Variants in ITPR2 observed in about 807,000 individuals in gnomAD.
ITPR2 encodes the protein inositol 1,4,5-trisphosphate-gated calcium channel ITPR2.
ITPR2 carries 207 observed loss-of-function variants against 317.1 expected under a neutral mutation model. The observed-to-expected ratio is 0.65, with a 90% CI of 0.58 to 0.73. The LOEUF is 0.73. Ranked by LOEUF, ITPR2 falls within the 30% of genes least tolerant of loss-of-function variation. The pLI is 0.00. For missense variants in ITPR2, 2,613 were observed against 3,284.0 expected (o/e 0.80, Z 4.99); for synonymous variants, 1,156 against 1,149.1 (o/e 1.01, Z -0.12).
In ITPR2 at chr12:26,707,819, C is replaced by T. The variant is rs539978655; in HGVS notation, c.951+3354G>A. Among the ~76,000 whole-genome samples the T allele has an allele frequency of 7.9e-5, 12 of 152,140 alleles. No homozygotes were observed. The East Asian group carries it at 1.7e-3, about 22-fold the overall frequency. On this transcript the variant is annotated intron_variant, in intron 9 of 56. Transcript: ENST00000381340. The stretch of plus-strand genomic sequence containing the variant: ...TGCTGGGAATACAGATGTGAGCCAC[C>T]GCGCCTGGCCAACCTGGGCATTTTT...
At chr12:26,677,402 T>C (rs1044900988) in intron 13 of ITPR2, among the ~76,000 whole-genome samples, 7 of 152,018 alleles carry the variant, frequency 4.6e-5, no homozygotes, top group Non-Finnish European at 1.0e-4. Flanking sequence ...GAGTTTCAGA[T>C]TAGCCTGGGC....
intron 30 of ITPR2, 69 bp downstream of exon 30, chr12:26,599,076 T>C (rs1945926673): frequency 7.3e-7 from 1 of 1,373,856 alleles, no homozygotes; most frequent in Non-Finnish European, 1.0e-6. Context: ...GCTTTTTCAC[T>C]GTAATAGAAA....
intron 13 of ITPR2, among the ~76,000 whole-genome samples, chr12:26,671,304 G>C (rs1459840874): frequency 2.0e-5 from 3 of 152,276 alleles, no homozygotes; most frequent in Admixed American, 2.0e-4. Context: ...AGAGAGAAAG[G>C]TTGGGTTACC....
chr12:26,472,090 T>C (rs1288588212), intron 45 of ITPR2, among the ~76,000 whole-genome samples: 1 of 152,206 alleles, frequency 6.6e-6, no homozygotes, highest in Non-Finnish European at 1.5e-5. Context: ...TGAAAGCTCA[T>C]AATTTTTCAT....
intron 49 of ITPR2, among the ~76,000 whole-genome samples, chr12:26,420,928 T>C (rs1420833620): frequency 6.6e-6 from 1 of 152,158 alleles, no homozygotes; most frequent in Non-Finnish European, 1.5e-5. Context: ...CTATTTACCT[T>C]GATTCATCCA....
intron 45 of ITPR2, among the ~76,000 whole-genome samples, chr12:26,469,430 C>T (rs1346952128): frequency 6.6e-6 from 1 of 152,022 alleles, no homozygotes; most frequent in Non-Finnish European, 1.5e-5. Flanking sequence ...CCCCTGCAAA[C>T]CCCCCACCCC....
At chr12:26,408,920 G>C (rs924940160) in intron 52 of ITPR2, among the ~76,000 whole-genome samples, 2 of 151,978 alleles carry the variant, frequency 1.3e-5, no homozygotes, top group Non-Finnish European at 2.9e-5. Flanking sequence ...TGTTAAGGGG[G>C]GAAATGTTGA....
At chr12:26,829,774 CA>C (rs1267691381) in intron 1 of ITPR2, among the ~76,000 whole-genome samples, 3 of 152,194 alleles carry the variant, frequency 2.0e-5, no homozygotes, top group African/African-American at 7.2e-5. Flanking sequence ...AGGAGGGAGG[CA>C]TGGTCATATC....
chr12:26,562,765 G>C (rs1360982079), intron 34 of ITPR2, among the ~76,000 whole-genome samples: 1 of 151,148 alleles, frequency 6.6e-6, no homozygotes, highest in Non-Finnish European at 1.5e-5. Flanking sequence ...AGGGCCTGTT[G>C]AGGGGTGGGG....
intron 1 of ITPR2, among the ~76,000 whole-genome samples, chr12:26,810,403 A>G (rs10842797): frequency 0.17 from 25,449 of 152,150 alleles, 2,763 homozygotes; most frequent in Non-Finnish European, 0.25. Flanking sequence ...TAAAGTGGGG[A>G]CTCACTATTA....
At chr12:26,648,031 T>C (rs575914404) in intron 21 of ITPR2, among the ~76,000 whole-genome samples, 1 of 152,190 alleles carries the variant, frequency 6.6e-6, no homozygotes, top group African/African-American at 2.4e-5. Flanking sequence ...CAACCAGATC[T>C]AGGATGAGGA....
intron 1 of ITPR2, among the ~76,000 whole-genome samples, chr12:26,827,548 C>A (rs767961865): frequency 6.6e-5 from 10 of 152,202 alleles, no homozygotes; most frequent in Non-Finnish European, 1.2e-4. Context: ...AACTCCATGA[C>A]TTTTCCAGCT....
chr12:26,624,097 CT>C (rs201340718), intron 24 of ITPR2, among the ~76,000 whole-genome samples: 192 of 151,962 alleles, frequency 1.3e-3, no homozygotes, highest in Non-Finnish European at 2.0e-3. Context: ...CTCTCTTGTC[CT>C]TTTTTTTACC....
intron 34 of ITPR2, among the ~76,000 whole-genome samples, chr12:26,563,638 G>A (rs975891000): frequency 5.3e-5 from 8 of 152,034 alleles, no homozygotes; most frequent in African/African-American, 9.7e-5. Flanking sequence ...CAACTCCTGC[G>A]CAAAGCCCTC....
chr12:26,476,030 T>C (rs1942410170), intron 44 of ITPR2, among the ~76,000 whole-genome samples: 1 of 152,256 alleles, frequency 6.6e-6, no homozygotes, highest in Admixed American at 6.5e-5. Context: ...TGAATAAATA[T>C]ATGATTCACT....
intron 55 of ITPR2, among the ~76,000 whole-genome samples, chr12:26,342,048 C>T (rs544946731): frequency 1.3e-3 from 200 of 152,294 alleles, no homozygotes; most frequent in African/African-American, 4.6e-3. Flanking sequence ...CTAACAGGGG[C>T]CCATGAAATG....
intron 35 of ITPR2, among the ~76,000 whole-genome samples, 191 bp from the exon 36 acceptor site, chr12:26,556,566 T>TTTTTTGTGTGTGTG (rs370599538): frequency 7.3e-6 from 1 of 136,200 alleles, no homozygotes; most frequent in African/African-American, 2.8e-5. Flanking sequence ...ATTTTTTTTT[T>TTTTTTGTGTGTGTG]TGTGTGTGTG....
rs1313506478 is a variant in ITPR2, at chr12:26,389,133, CCT to C, written c.7697-1541_7697-1540del. Among the ~76,000 whole-genome samples, 7 of 152,158 alleles carry C rather than the reference CCT, an allele frequency of 4.6e-5. No homozygotes were observed. The East Asian group carries it at 5.8e-4, about 13-fold the overall frequency. On this transcript the variant is annotated intron_variant, in intron 54 of 56. Coordinates refer to ENST00000381340, the MANE Select transcript of ITPR2 (RefSeq NM_002223.4). ...TTACTGCAATAGACTCCCAGGCCCCCCTGTTTCCATCTTTACTCTCCACAGCC... is the reference window on the plus strand; with the variant it reads ...TTACTGCAATAGACTCCCAGGCCCCCGTTTCCATCTTTACTCTCCACAGCC...
chr12:26,593,707 A>T (rs1456768003), intron 32 of ITPR2, among the ~76,000 whole-genome samples: 1 of 150,188 alleles, frequency 6.7e-6, no homozygotes, highest in African/African-American at 2.5e-5. Flanking sequence ...TATCCAATTA[A>T]GCAATAGTTA....
Sources: allele counts gnomAD v4.1 joint callset (sites outside exome capture counted in the v4.1 genomes callset), GRCh38; gene constraint gnomAD v4.1.1; transcripts MANE v1.5; gene names NCBI Gene and HGNC (gene_info 2026-07-23, HGNC 2026-07-21).